Variants in EEA1 observed in about 807,000 individuals in gnomAD.
EEA1 encodes early endosome antigen 1, 162kD.
A neutral mutation model predicts 209.2 loss-of-function variants in EEA1; 111 were observed. The observed-to-expected ratio is 0.53, with a 90% CI of 0.45 to 0.62. The LOEUF is 0.62. Ranked by LOEUF, EEA1 falls within the 20% of genes least tolerant of loss-of-function variation. The pLI is 0.00. For missense variants in EEA1, 1,343 were observed against 1,530.8 expected, an observed-to-expected ratio of 0.88 and a Z score of 2.05; for synonymous variants, 536 against 540.6, an observed-to-expected ratio of 0.99 and a Z score of 0.12.
intron 2 of EEA1, among the ~76,000 whole-genome samples, chr12:92,872,523 C>T (rs77987227): frequency 0.061 from 9,316 of 152,310 alleles, 308 homozygotes; most frequent in Middle Eastern, 0.11. Flanking sequence ...GATGATTCTT[C>T]CTTGTAATTT....
At chr12:92,890,962 G>A (rs951848847) in intron 2 of EEA1, among the ~76,000 whole-genome samples, 9 of 152,012 alleles carry the variant, frequency 5.9e-5, no homozygotes, top group Non-Finnish European at 1.3e-4. Context: ...GCCTTCAAAG[G>A]GGCAACTGAC....
chr12:92,876,716 A>G (rs192470998), intron 2 of EEA1, among the ~76,000 whole-genome samples: 2 of 152,202 alleles, frequency 1.3e-5, no homozygotes, highest in Admixed American at 6.5e-5. Flanking sequence ...AAAGCCCAAG[A>G]AAAGAAAAAA....
At chr12:92,822,830 C>T (rs547201472) in intron 13 of EEA1, among the ~76,000 whole-genome samples, 2 of 152,216 alleles carry the variant, frequency 1.3e-5, no homozygotes, top group African/African-American at 2.4e-5. Context: ...TTAAATATAT[C>T]GCGCTGGTGC....
chr12:92,880,306 T>C (rs1228701941), intron 2 of EEA1, among the ~76,000 whole-genome samples: 2 of 152,080 alleles, frequency 1.3e-5, no homozygotes, highest in African/African-American at 4.8e-5. Context: ...GACAATCCAA[T>C]GTTTTTGTTT....
At chr12:92,903,450 T>C (rs568424031) in intron 1 of EEA1, among the ~76,000 whole-genome samples, 1 of 151,404 alleles carries the variant, frequency 6.6e-6, no homozygotes, top group Admixed American at 6.6e-5. Flanking sequence ...ATATAAAAAT[T>C]AGCCAGGCGT....
At chr12:92,834,438 G>A (rs575362517) in intron 10 of EEA1, among the ~76,000 whole-genome samples, 1 of 150,882 alleles carries the variant, frequency 6.6e-6, no homozygotes, top group Non-Finnish European at 1.5e-5. Flanking sequence ...CTAGCTACCC[G>A]AGAGGCTAAA....
At chr12:92,864,660 G>T (rs1332920674) in intron 3 of EEA1, among the ~76,000 whole-genome samples, 200 bp downstream of exon 3, 1 of 152,142 alleles carries the variant, frequency 6.6e-6, no homozygotes, top group Non-Finnish European at 1.5e-5. Flanking sequence ...GTACCGTATT[G>T]TACTTGCTGG....
chr12:92,811,924 C>G (rs1436157210), intron 16 of EEA1, among the ~76,000 whole-genome samples: 1 of 151,790 alleles, frequency 6.6e-6, no homozygotes, highest in Non-Finnish European at 1.5e-5. Flanking sequence ...AGGACACATA[C>G]CAAATTTAAC....
intron 7 of EEA1, 120 bp downstream of exon 7, chr12:92,852,792 C>T (rs1190366747): frequency 3.1e-6 from 2 of 636,128 alleles, no homozygotes; most frequent in Non-Finnish European, 5.3e-6. Context: ...CATTAATCAC[C>T]ATTGGAAGTC....
chr12:92,808,696 T>C (rs1293460880), intron 18 of EEA1, among the ~76,000 whole-genome samples: 2 of 152,116 alleles, frequency 1.3e-5, no homozygotes, highest in African/African-American at 4.8e-5. Context: ...AATTTTTTAA[T>C]TTTACAGTAA....
chr12:92,851,605 G>A (rs1877633580), intron 8 of EEA1, among the ~76,000 whole-genome samples: 1 of 151,994 alleles, frequency 6.6e-6, no homozygotes, highest in South Asian at 2.1e-4. Flanking sequence ...CTACAAAACT[G>A]GTAATAAAAA....
chr12:92,823,585 T>C (rs1394000447), intron 13 of EEA1, among the ~76,000 whole-genome samples: 1 of 152,242 alleles, frequency 6.6e-6, no homozygotes, highest in South Asian at 2.1e-4. Flanking sequence ...CAATTTTATA[T>C]ACAGATACAC....
At chr12:92,874,009 ATTC>A (rs1331177878) in intron 2 of EEA1, among the ~76,000 whole-genome samples, 5 of 152,104 alleles carry the variant, frequency 3.3e-5, no homozygotes, top group Non-Finnish European at 7.4e-5. Flanking sequence ...CTACAGAACA[ATTC>A]TTCTTTAAAA....
At chr12:92,836,105 T>C (rs887437023) in intron 10 of EEA1, among the ~76,000 whole-genome samples, 2 of 152,160 alleles carry the variant, frequency 1.3e-5, no homozygotes, top group Admixed American at 6.5e-5. Flanking sequence ...AAATATGAGA[T>C]AGAGATTTAC....
At chr12:92,781,697 T>C (rs1289494761) in intron 23 of EEA1, among the ~76,000 whole-genome samples, 2 of 149,474 alleles carry the variant, frequency 1.3e-5, no homozygotes, top group Non-Finnish European at 3.0e-5. Flanking sequence ...CAAGGGTCTA[T>C]GGTGTGAAAA....
intron 12 of EEA1, among the ~76,000 whole-genome samples, chr12:92,827,073 T>C (rs1475135732): frequency 6.6e-6 from 1 of 152,186 alleles, no homozygotes; most frequent in African/African-American, 2.4e-5. Context: ...TGTTTAATTC[T>C]GGCCAGTTGT....
intron 2 of EEA1, among the ~76,000 whole-genome samples, chr12:92,873,683 A>T (rs768119119): frequency 6.6e-6 from 1 of 152,302 alleles, no homozygotes; most frequent in East Asian, 1.9e-4. Context: ...CTTGGGCTTG[A>T]ATCCTGGATT....
chr12:92,874,711 C>G (rs1878803248), intron 2 of EEA1, among the ~76,000 whole-genome samples: 1 of 152,204 alleles, frequency 6.6e-6, no homozygotes, highest in South Asian at 2.1e-4. Flanking sequence ...TCACTTTACT[C>G]TTGTTTTTCA....
At chr12:92,848,219 A>C (rs1026601599) in intron 9 of EEA1, among the ~76,000 whole-genome samples, 1 of 151,364 alleles carries the variant, frequency 6.6e-6, no homozygotes, top group African/African-American at 2.4e-5. Context: ...TTTCCTAGAA[A>C]TACCTTTTCT....
Sources: allele counts gnomAD v4.1 joint callset (sites outside exome capture counted in the v4.1 genomes callset), GRCh38; gene constraint gnomAD v4.1.1; transcripts MANE v1.5; gene names NCBI Gene and HGNC (gene_info 2026-07-23, HGNC 2026-07-21).